The following TCEA1 variants were observed in gnomAD, a reference collection of about 807,000 sequenced individuals.
TCEA1 encodes transcription elongation factor A1.
Under a neutral mutation model 43.8 loss-of-function variants are expected in TCEA1, and 21 were observed. The observed-to-expected ratio is 0.48, with a 90% CI of 0.34 to 0.69. The LOEUF (loss-of-function observed/expected upper bound fraction) is 0.69, where lower values mean the gene tolerates loss of function less well. Among genes scored for constraint, TCEA1 ranks in the 30% least tolerant of loss-of-function variants. The pLI is 0.01. For missense variants in TCEA1, 250 were observed against 365.1 expected (o/e 0.68, Z 2.57); for synonymous variants, 104 against 117.5 (o/e 0.88, Z 0.75).
chr8:53,993,127 ATTTTTTTTTT>A (rs11306062), intron 4 of TCEA1, among the ~76,000 whole-genome samples: 7 of 84,184 alleles, frequency 8.3e-5, no homozygotes, highest in Admixed American at 5.8e-4. Context: ...TACATGGCTA[ATTTTTTTTTT>A]TTTTTTTTTT....
intron 2 of TCEA1, among the ~76,000 whole-genome samples, chr8:54,001,211 G>C (rs1480465664): frequency 1.3e-5 from 2 of 151,966 alleles, no homozygotes; most frequent in Admixed American, 6.6e-5. Context: ...AGTAAGTTCG[G>C]GTTGTTAACA....
intron 2 of TCEA1, among the ~76,000 whole-genome samples, chr8:54,005,680 A>C (rs538198533): frequency 6.6e-6 from 1 of 152,272 alleles, no homozygotes; most frequent in Admixed American, 6.5e-5. Flanking sequence ...TCTTTCATTA[A>C]CAAATTCCCC....
intron 1 of TCEA1, among the ~76,000 whole-genome samples, chr8:54,014,175 T>C (rs887096811): frequency 1.3e-5 from 2 of 152,238 alleles, no homozygotes; most frequent in Admixed American, 6.5e-5. Context: ...AGTAAGGTCA[T>C]GAACTAGTCG....
intron 4 of TCEA1, among the ~76,000 whole-genome samples, chr8:53,990,115 T>C (rs1322249888): frequency 1.3e-5 from 2 of 151,824 alleles, no homozygotes; most frequent in African/African-American, 4.8e-5. Context: ...GGGGGCTCGC[T>C]TGAGACTGAA....
At chr8:53,989,803 G>T (rs570542032) in intron 4 of TCEA1, among the ~76,000 whole-genome samples, 1 of 151,980 alleles carries the variant, frequency 6.6e-6, no homozygotes, top group South Asian at 2.1e-4. Context: ...TTTTCACAGT[G>T]GTGAAGAGAG....
chr8:53,971,064 G>A (rs1379228168), intron 8 of TCEA1, among the ~76,000 whole-genome samples: 2 of 152,054 alleles, frequency 1.3e-5, no homozygotes, highest in East Asian at 1.9e-4. Context: ...ATATCCAACA[G>A]GGAAGTAATG....
intron 7 of TCEA1, among the ~76,000 whole-genome samples, chr8:53,979,954 C>T (rs1357930087): frequency 6.6e-6 from 1 of 152,168 alleles, no homozygotes; most frequent in Non-Finnish European, 1.5e-5. Flanking sequence ...TACCACCAAA[C>T]TATTCTTGTA....
intron 8 of TCEA1, chr8:53,972,903 G>A (rs1290132405): frequency 1.5e-6 from 1 of 684,030 alleles, no homozygotes; most frequent in Admixed American, 1.9e-5. Flanking sequence ...TGAGCCGAAG[G>A]ACGTAGCCTC....
intron 1 of TCEA1, among the ~76,000 whole-genome samples, chr8:54,015,869 T>C (rs1449639808): frequency 6.6e-6 from 1 of 152,192 alleles, no homozygotes; most frequent in African/African-American, 2.4e-5. Flanking sequence ...GCAAAGGATC[T>C]GAATAGACAT....
intron 3 of TCEA1, among the ~76,000 whole-genome samples, chr8:53,996,059 G>A (rs141840629): frequency 6.6e-6 from 1 of 152,324 alleles, no homozygotes; most frequent in African/African-American, 2.4e-5. Context: ...AAAAGTAATA[G>A]GGTAGAAAGC....
chr8:53,969,785 G>A (rs978502544), intron 9 of TCEA1, among the ~76,000 whole-genome samples: 1 of 152,116 alleles, frequency 6.6e-6, no homozygotes, highest in African/African-American at 2.4e-5. Context: ...TGATTAAAAT[G>A]TTTTTAGTAC....
intron 3 of TCEA1, among the ~76,000 whole-genome samples, chr8:53,995,570 A>G (rs1160278556): frequency 1.3e-5 from 2 of 152,246 alleles, no homozygotes; most frequent in Non-Finnish European, 2.9e-5. Context: ...TACATAAGCA[A>G]TAAAGGCTAC....
intron 8 of TCEA1, chr8:53,978,798 C>A: frequency 2.4e-6 from 1 of 412,108 alleles, no homozygotes; most frequent in Non-Finnish European, 4.3e-6. Context: ...TCTTCCTATG[C>A]CTAATTTATA....
chr8:54,002,268 A>G (rs1456477140), intron 2 of TCEA1, among the ~76,000 whole-genome samples: 1 of 151,750 alleles, frequency 6.6e-6, no homozygotes, highest in Non-Finnish European at 1.5e-5. Flanking sequence ...TCGGGAGATT[A>G]AGACCATCCT....
At chr8:53,996,901 G>GTTTTTTTTTTTTTTTT (rs1563494161) in intron 3 of TCEA1, among the ~76,000 whole-genome samples, 13 of 90,196 alleles carry the variant, frequency 1.4e-4, no homozygotes, top group African/African-American at 5.9e-4. Context: ...AAAGAAGGTT[G>GTTTTTTTTTTTTTTTT]TCTTTTTTTT....
chr8:54,021,587 CT>C (rs1563527316), intron 1 of TCEA1: 1 of 152,910 alleles, frequency 6.5e-6, no homozygotes, highest in Non-Finnish European at 1.5e-5. Context: ...GTTCAGCCCT[CT>C]TCAAAAATAA....
chr8:54,005,083 G>C (rs1804398647), intron 2 of TCEA1, among the ~76,000 whole-genome samples: 1 of 151,998 alleles, frequency 6.6e-6, no homozygotes, highest in Admixed American at 6.6e-5. Flanking sequence ...AACTCCCAAG[G>C]ACTCTTCAGA....
intron 1 of TCEA1, among the ~76,000 whole-genome samples, chr8:54,013,103 GA>G: frequency 6.6e-6 from 1 of 151,946 alleles, no homozygotes; most frequent in East Asian, 1.9e-4. Context: ...CACACTTCTA[GA>G]AGTTCCTTAA....
At chr8:53,997,121 G>A (rs1405960522) in intron 3 of TCEA1, among the ~76,000 whole-genome samples, 6 of 151,948 alleles carry the variant, frequency 3.9e-5, no homozygotes, top group Non-Finnish European at 7.4e-5. Flanking sequence ...TGTTAGCCAG[G>A]ATGGTCTCGA....
Sources: allele counts gnomAD v4.1 joint callset (sites outside exome capture counted in the v4.1 genomes callset), GRCh38; gene constraint gnomAD v4.1.1; transcripts MANE v1.5; gene names NCBI Gene and HGNC (gene_info 2026-07-23, HGNC 2026-07-21).